The following PREP variants were observed in gnomAD, a reference collection of about 807,000 sequenced individuals.
The protein encoded by PREP is dJ355L5.1 (prolyl endopeptidase).
Under a neutral mutation model 87.6 loss-of-function variants are expected in PREP, and 29 were observed. The ratio of observed to expected loss-of-function variants is 0.33; its 90% CI spans 0.25 to 0.45. PREP has a LOEUF of 0.45. Ranked by LOEUF, PREP falls within the 20% of genes least tolerant of loss-of-function variation. The pLI, the probability that PREP is intolerant of heterozygous loss-of-function variation, is 1.00. For synonymous variants in PREP, 337 were observed against 328.6 expected (o/e 1.03, Z -0.28); for missense variants, 695 against 886.5 (o/e 0.78, Z 2.74).
chr6:105,359,553 C>T (rs972371659), intron 6 of PREP, among the ~76,000 whole-genome samples: 13 of 152,162 alleles, frequency 8.5e-5, no homozygotes, highest in Admixed American at 2.6e-4. Flanking sequence ...AAGTGTATAT[C>T]TCACTGACAG....
chr6:105,396,949 C>T (rs1440774551), intron 2 of PREP, among the ~76,000 whole-genome samples: 3 of 151,864 alleles, frequency 2.0e-5, no homozygotes, highest in Non-Finnish European at 2.9e-5. Context: ...TTTGGGAGGC[C>T]GAGGCGGGAG....
chr6:105,316,523 A>G (rs1770873137), intron 10 of PREP, among the ~76,000 whole-genome samples: 1 of 152,246 alleles, frequency 6.6e-6, no homozygotes, highest in African/African-American at 2.4e-5. Context: ...CTGTTGGGAA[A>G]ATGGTGGTAA....
At position 105,333,501 on chromosome 6, in the gene PREP, G is replaced by A; in HGVS notation, c.828C>T (p.Ile276=). 1 of 1,614,024 alleles carries A rather than the reference G, an allele frequency of 6.2e-7. No homozygotes were observed. Among genetic ancestry groups the A allele is most frequent in the Non-Finnish European group, 8.5e-7 (1 of 1,179,922 alleles). ...LQQESSGIAG[I]LKWVKLIDNF... is the part of the protein sequence containing the mutation. ...TGTCAATCAGTTTTACCCACTTCAGGATTCCTGGCAAGAGACCAAGCATTC... is the reference window on the plus strand; with the variant it reads ...TGTCAATCAGTTTTACCCACTTCAGAATTCCTGGCAAGAGACCAAGCATTC... The change falls in exon 8 of 15, where the codon ATC becomes ATT. Residue 276 remains isoleucine, a synonymous_variant. Coordinates refer to ENST00000652536, the MANE Select transcript of PREP (RefSeq NM_002726.5).
Position 105,323,653 on chromosome 6 carries a change from T to C in PREP, c.1317+12A>G, listed in dbSNP as rs201146519. 9 of 1,589,800 alleles carry C rather than the reference T, an allele frequency of 5.7e-6. No individual in the cohort carries two copies. In the African/African-American group the frequency reaches 9.4e-5, roughly 17 times the overall value. ...CCTAACTCTCACATTAATGAGATCA[T>C]ATTCTCCATACCTGGACTGTCTGGT... On this transcript the variant is annotated intron_variant, in intron 10 of 14. Coordinates refer to ENST00000652536, the MANE Select transcript of PREP (RefSeq NM_002726.5).
At chr6:105,374,277 T>G (rs186641598) in intron 4 of PREP, among the ~76,000 whole-genome samples, 24 of 152,334 alleles carry the variant, frequency 1.6e-4, no homozygotes, top group African/African-American at 5.5e-4. Context: ...ATGGAATGTT[T>G]CCTGGCAAAT....
chr6:105,348,891 A>AG (rs1017977245), intron 7 of PREP, among the ~76,000 whole-genome samples: 3 of 152,044 alleles, frequency 2.0e-5, no homozygotes, highest in African/African-American at 7.2e-5. Context: ...AAAAAAAAAA[A>AG]AAAGTACAAG....
chr6:105,282,723 G>T, intron 12 of PREP, 141 bp from the exon 13 acceptor site: 1 of 947,242 alleles, frequency 1.1e-6, no homozygotes, highest in Non-Finnish European at 1.5e-6. Flanking sequence ...TTAAAAAAAA[G>T]CCTCAATTTA....
rs1020721555 is a variant in PREP, at chr6:105,276,921, C to A, written c.*1223G>T. On this transcript the variant is annotated 3_prime_UTR_variant, in exon 15 of 15. Coordinates refer to ENST00000652536, the MANE Select transcript of PREP (RefSeq NM_002726.5). The stretch of plus-strand genomic sequence containing the variant: ...CAAATTATTGGAATAATGAAGTAAT[C>A]TTTTAAGCTATTTTATATAAGGTTA... Among the ~76,000 whole-genome samples the A allele has an allele frequency of 6.6e-5, 10 of 151,900 alleles. No homozygotes were observed. Among genetic ancestry groups the A allele is most frequent in the African/African-American group, 1.9e-4 (8 of 41,342 alleles).
chr6:105,341,388 G>C (rs1445785723), intron 7 of PREP, among the ~76,000 whole-genome samples: 1 of 152,206 alleles, frequency 6.6e-6, no homozygotes, highest in African/African-American at 2.4e-5. Flanking sequence ...ATTTAAAGCA[G>C]TGTTTAGAGG....
chr6:105,294,676 C>A (rs1017488151), intron 10 of PREP, among the ~76,000 whole-genome samples: 2 of 152,168 alleles, frequency 1.3e-5, no homozygotes, highest in African/African-American at 4.8e-5. Flanking sequence ...TGAGACAAAC[C>A]AACAGCACAA....
intron 12 of PREP, among the ~76,000 whole-genome samples, chr6:105,285,223 T>TA (rs748163359): frequency 6.6e-6 from 1 of 152,204 alleles, no homozygotes; most frequent in Non-Finnish European, 1.5e-5. Context: ...TATGAGTTGT[T>TA]AAAAAACCCC....
At chr6:105,321,229 G>A (rs1770997591) in intron 10 of PREP, among the ~76,000 whole-genome samples, 1 of 152,214 alleles carries the variant, frequency 6.6e-6, no homozygotes, top group South Asian at 2.1e-4. Context: ...ATATGGAAAT[G>A]AAGAGCAACG....
chr6:105,294,547 C>T (rs1378606859), intron 10 of PREP, among the ~76,000 whole-genome samples: 2 of 152,148 alleles, frequency 1.3e-5, no homozygotes, highest in African/African-American at 4.8e-5. Flanking sequence ...CTACCCTAGC[C>T]GCTGGTTCCC....
At chr6:105,396,715 T>C (rs1773294385) in intron 2 of PREP, among the ~76,000 whole-genome samples, 1 of 151,786 alleles carries the variant, frequency 6.6e-6, no homozygotes, top group Non-Finnish European at 1.5e-5. Context: ...ATGGGAAACG[T>C]ACCCTGCAAC....
intron 9 of PREP, among the ~76,000 whole-genome samples, chr6:105,323,994 T>G (rs1413162527): frequency 1.3e-5 from 2 of 152,230 alleles, no homozygotes; most frequent in Non-Finnish European, 2.9e-5. Flanking sequence ...CACCATCTCA[T>G]GCAGCCTTCT....
chr6:105,362,236 G>T (rs1261967458), intron 6 of PREP, among the ~76,000 whole-genome samples: 1 of 152,174 alleles, frequency 6.6e-6, no homozygotes, highest in East Asian at 1.9e-4. Context: ...CGAGGCAGCC[G>T]AATCATTTGA....
chr6:105,371,500 C>CAAAAAAAAAAAAAAAA (rs528772896), intron 5 of PREP, among the ~76,000 whole-genome samples: 12 of 44,804 alleles, frequency 2.7e-4, no homozygotes, highest in African/African-American at 7.5e-4. Flanking sequence ...GATTCCATCT[C>CAAAAAAAAAAAAAAAA]AAAAAAAAAA....
At chr6:105,377,213 T>G (rs971699166) in intron 3 of PREP, among the ~76,000 whole-genome samples, 173 bp downstream of exon 3, 3 of 152,178 alleles carry the variant, frequency 2.0e-5, no homozygotes, top group African/African-American at 7.2e-5. Context: ...ATTTTAACAA[T>G]TTGGACAATA....
At chr6:105,374,308 T>A (rs1772631182) in intron 4 of PREP, among the ~76,000 whole-genome samples, 1 of 152,200 alleles carries the variant, frequency 6.6e-6, no homozygotes, top group Admixed American at 6.5e-5. Flanking sequence ...CATATTAGCT[T>A]TTTTAATTAT....
Sources: gnomAD v4.1 joint callset for allele counts (sites outside exome capture counted in the v4.1 genomes callset) on GRCh38, gnomAD v4.1.1 for gene constraint, MANE v1.5 for transcripts, NCBI Gene and HGNC (gene_info 2026-07-23, HGNC 2026-07-21) for gene names.